The following VPS13B variants were observed in gnomAD, a reference collection of about 807,000 sequenced individuals.
VPS13B encodes intermembrane lipid transfer protein VPS13B.
In VPS13B, 285 loss-of-function variants were observed where a neutral mutation model predicts 426.4. The observed-to-expected ratio is 0.67, with a 90% CI of 0.61 to 0.74. The LOEUF is 0.74. Among genes scored for constraint, VPS13B ranks in the 30% least tolerant of loss-of-function variants. The pLI, the probability that VPS13B is intolerant of heterozygous loss-of-function variation, is 0.00. For synonymous variants in VPS13B, 1,676 were observed against 1,676.4 expected (o/e 1.00, Z 0.01); for missense variants, 4,537 against 4,782.6 (o/e 0.95, Z 1.51).
chr8:99,100,256 G>T (rs893187270), intron 4 of VPS13B, among the ~76,000 whole-genome samples: 3 of 151,910 alleles, frequency 2.0e-5, no homozygotes, highest in Non-Finnish European at 2.9e-5. Context: ...ATCTCAATTT[G>T]TATGTCAGTT....
In VPS13B at chr8:99,515,959, A is replaced by G. The variant is rs371700870; in HGVS notation, c.4633+4447A>G. Among the ~76,000 whole-genome samples the G allele has an allele frequency of 3.9e-5, 6 of 152,128 alleles. No individual in the cohort carries two copies. The East Asian group carries it at 1.2e-3, about 29-fold the overall frequency. On this transcript the variant is annotated intron_variant, in intron 29 of 61. Coordinates refer to ENST00000357162, the MANE Select transcript of VPS13B (RefSeq NM_152564.5). The stretch of plus-strand genomic sequence containing the variant: ...TCTGTCTGGCATATGTATTGCTCAT[A>G]TCTTTACTTTTTTGTGTTCAGCCTT...
chr8:99,837,605 TATC>T (rs1815462736), intron 54 of VPS13B, among the ~76,000 whole-genome samples: 1 of 152,150 alleles, frequency 6.6e-6, no homozygotes, highest in Middle Eastern at 3.2e-3. Flanking sequence ...CCAACACCCT[TATC>T]ATCTGTGGTT....
rs117757262 is a variant in VPS13B at position 99,313,883 on chromosome 8, C to T, written c.2824+38629C>T. Among the ~76,000 whole-genome samples the T allele has an allele frequency of 6.8e-3, 1,028 of 152,254 alleles. 5 individuals carry two copies. The highest frequency in any genetic ancestry group is 9.2e-3 in the Non-Finnish European group (629 of 68,018). ...TCAGCAATGGTGGGTGCCCCTCCCCCACCCTTGCTGCCATCTTGCAGATGG... is the reference window on the plus strand; with the variant it reads ...TCAGCAATGGTGGGTGCCCCTCCCCTACCCTTGCTGCCATCTTGCAGATGG... On this transcript the variant is annotated intron_variant, in intron 19 of 61. Coordinates refer to ENST00000357162, the MANE Select transcript of VPS13B (RefSeq NM_152564.5).
At chr8:99,467,801 A>AATTATTTTTAACTTGGCCATCAAGATCAG (rs1819191682) in intron 24 of VPS13B, among the ~76,000 whole-genome samples, 167 bp downstream of exon 24, 1 of 145,902 alleles carries the variant, frequency 6.9e-6, no homozygotes, top group African/African-American at 2.8e-5. Flanking sequence ...AGCTCTCTCA[A>AATTATTTTTAACTTGGCCATCAAGATCAG]GTTGTGTAAT....
chr8:99,875,742 G>A lies in VPS13B; in HGVS notation c.*76G>A. ...CTTTGAGACAGGGTCTCACTGCATTGCCCTTGCTGACCTCAAATTCTGGGG... is the reference window on the plus strand; with the variant it reads ...CTTTGAGACAGGGTCTCACTGCATTACCCTTGCTGACCTCAAATTCTGGGG... On this transcript the variant is annotated 3_prime_UTR_variant, in exon 62 of 62. Transcript: ENST00000357162. The A allele has an allele frequency of 1.3e-6, 2 of 1,591,086 alleles. No individual in the cohort carries two copies. The highest frequency in any genetic ancestry group is 1.1e-5 in the South Asian group (1 of 89,636).
At chr8:99,871,738 G>C in intron 61 of VPS13B, 41 bp downstream of exon 61, 2 of 1,611,348 alleles carry the variant, frequency 1.2e-6, no homozygotes, top group Non-Finnish European at 1.7e-6. Flanking sequence ...TAGCTGGCCA[G>C]GGAGGTTGAG....
At chr8:99,738,536 T>G (rs1258158296) in intron 39 of VPS13B, among the ~76,000 whole-genome samples, 1 of 152,258 alleles carries the variant, frequency 6.6e-6, no homozygotes, top group Middle Eastern at 3.2e-3. Context: ...TGTAAGCTAC[T>G]TTTAGTAATC....
intron 19 of VPS13B, among the ~76,000 whole-genome samples, chr8:99,295,676 G>A (rs1411773025): frequency 6.6e-6 from 1 of 152,082 alleles, no homozygotes; most frequent in East Asian, 1.9e-4. Context: ...CCGCTGCCCA[G>A]CATCACAAGA....
chr8:99,876,300 A>ATTC lies in VPS13B; in HGVS notation c.*637_*639dup, dbSNP rs1563523673. The stretch of plus-strand genomic sequence containing the variant: ...ACATTTGTCATTTAACTGCAGTGCT[A>ATTC]TTCTTTGAAAGCTGCTATGTGTATT... On this transcript the variant is annotated 3_prime_UTR_variant, in exon 62 of 62. Transcript: ENST00000357162. The ATTC allele has an allele frequency of 6.5e-6, 1 of 153,426 alleles. No individual in the cohort carries two copies. The highest frequency in any genetic ancestry group is 6.4e-5 in the Admixed American group (1 of 15,512). 9.5% of individuals were successfully genotyped at this position (153,426 alleles called of 1,614,324 possible). A position where few individuals can be genotyped will look rare whatever the true frequency, so the allele number is the denominator to read the frequency against.
intron 43 of VPS13B, among the ~76,000 whole-genome samples, chr8:99,787,226 AT>A (rs1406423855): frequency 6.6e-6 from 1 of 152,192 alleles, no homozygotes; most frequent in Non-Finnish European, 1.5e-5. Flanking sequence ...AGAGGTCAAG[AT>A]ATCTTAAAAC....
intron 38 of VPS13B, 125 bp from the exon 39 acceptor site, chr8:99,720,738 A>G (rs1020117355): frequency 5.0e-5 from 56 of 1,110,918 alleles, no homozygotes; most frequent in Non-Finnish European, 6.9e-5. Context: ...GTTCCAGAAT[A>G]TATATAAAAA....
intron 8 of VPS13B, among the ~76,000 whole-genome samples, chr8:99,125,963 T>C (rs749417175): frequency 2.0e-5 from 3 of 151,614 alleles, no homozygotes; most frequent in Non-Finnish European, 4.4e-5. Flanking sequence ...AATTACAGCA[T>C]GTTTGTTTGG....
chr8:99,467,634 G>C lies in VPS13B; in HGVS notation c.3666G>C (p.Gln1222His). Residue 1222 changes from glutamine to histidine, a missense_variant and splice_region_variant, in exon 24 of 62, where the codon CAG (glutamine) becomes CAC (histidine). Transcript: ENST00000357162. ...TAGAGATAAAATGCTCTAATCCCCA[G>C]GTTGGTACATTTGATTTATGAAAGG... is the stretch of plus-strand genomic sequence containing the variant. Reference protein sequence around the residue: ...ESLEIKCSNPQVQLFYELTDI... With the variant: ...ESLEIKCSNPHVQLFYELTDI... 1 of 1,607,642 alleles carries C rather than the reference G, an allele frequency of 6.2e-7. No individual in the cohort carries two copies. Among genetic ancestry groups the C allele is most frequent in the Non-Finnish European group, 8.5e-7 (1 of 1,179,330 alleles).
chr8:99,857,766 T>G (rs1438427434), intron 56 of VPS13B, among the ~76,000 whole-genome samples: 1 of 152,222 alleles, frequency 6.6e-6, no homozygotes, highest in Non-Finnish European at 1.5e-5. Flanking sequence ...CAGTCACCAG[T>G]TAGCCTGCAC....
At chr8:99,690,137 A>G (rs1398415883) in intron 35 of VPS13B, among the ~76,000 whole-genome samples, 4 of 152,168 alleles carry the variant, frequency 2.6e-5, no homozygotes, top group African/African-American at 9.7e-5. Context: ...TAGCCATCCA[A>G]TTTATCTAAA....
intron 19 of VPS13B, among the ~76,000 whole-genome samples, chr8:99,376,463 G>A (rs1045493955): frequency 1.3e-5 from 2 of 152,016 alleles, no homozygotes; most frequent in South Asian, 2.1e-4. Flanking sequence ...TCATGAGGTC[G>A]TTTTTGGTAT....
chr8:99,604,153 T>C (rs1160641864), intron 33 of VPS13B, among the ~76,000 whole-genome samples: 1 of 152,162 alleles, frequency 6.6e-6, no homozygotes, highest in Non-Finnish European at 1.5e-5. Flanking sequence ...AGTTTACTAA[T>C]TTTTGGAATG....
At chr8:99,398,620 A>G (rs1814867336) in intron 21 of VPS13B, among the ~76,000 whole-genome samples, 1 of 152,218 alleles carries the variant, frequency 6.6e-6, no homozygotes, top group African/African-American at 2.4e-5. Flanking sequence ...TGGAGATACC[A>G]CAAAGGCTGA....
intron 8 of VPS13B, among the ~76,000 whole-genome samples, chr8:99,133,761 A>G (rs1266400436): frequency 1.3e-5 from 2 of 152,220 alleles, no homozygotes; most frequent in Non-Finnish European, 2.9e-5. Context: ...ACATGTATCA[A>G]TTAAGTTCTC....
Sources: allele counts gnomAD v4.1 joint callset (sites outside exome capture counted in the v4.1 genomes callset), GRCh38; gene constraint gnomAD v4.1.1; transcripts MANE v1.5; gene names NCBI Gene and HGNC (gene_info 2026-07-23, HGNC 2026-07-21).